MDGA2: variants seen among roughly 807,000 people sequenced by gnomAD.
MDGA2 encodes the protein MAM domain-containing glycosylphosphatidylinositol anchor protein 2.
Under a neutral mutation model 117.8 loss-of-function variants are expected in MDGA2, and 40 were observed. The ratio of observed to expected loss-of-function variants is 0.34; its 90% CI spans 0.26 to 0.44. MDGA2 has a LOEUF of 0.44. Among genes scored for constraint, MDGA2 ranks in the 20% least tolerant of loss-of-function variants. The pLI is 1.00. For synonymous variants in MDGA2, 452 were observed against 439.0 expected (o/e 1.03, Z -0.37); for missense variants, 1,123 against 1,250.6 (o/e 0.90, Z 1.54).
intron 1 of MDGA2, among the ~76,000 whole-genome samples, chr14:47,320,991 G>A (rs1012072359): frequency 6.6e-6 from 1 of 152,194 alleles, no homozygotes; most frequent in Non-Finnish European, 1.5e-5. Flanking sequence ...TTCATCGGCA[G>A]AGGAGTTTCA....
intron 1 of MDGA2, among the ~76,000 whole-genome samples, chr14:47,374,301 T>C (rs1385971925): frequency 1.3e-5 from 2 of 152,122 alleles, no homozygotes; most frequent in Non-Finnish European, 2.9e-5. Flanking sequence ...TGAGTTCTCA[T>C]GAATAATGTA....
chr14:47,462,726 A>T (rs184999490), intron 1 of MDGA2, among the ~76,000 whole-genome samples: 9 of 152,086 alleles, frequency 5.9e-5, no homozygotes, highest in Admixed American at 2.0e-4. Flanking sequence ...CATGCGAACA[A>T]TGAAGCATTT....
intron 2 of MDGA2, among the ~76,000 whole-genome samples, chr14:47,227,070 G>C (rs1048782218): frequency 6.6e-6 from 1 of 152,118 alleles, no homozygotes; most frequent in African/African-American, 2.4e-5. Context: ...CTCTGTGAGA[G>C]TTCTTATCAC....
intron 2 of MDGA2, among the ~76,000 whole-genome samples, chr14:47,267,360 T>A (rs901282735): frequency 6.6e-6 from 1 of 152,174 alleles, no homozygotes; most frequent in Non-Finnish European, 1.5e-5. Flanking sequence ...TAAATTCCAT[T>A]AAAATTCATT....
chr14:47,585,350 A>G (rs1896304521), intron 1 of MDGA2, among the ~76,000 whole-genome samples: 1 of 151,944 alleles, frequency 6.6e-6, no homozygotes, highest in Non-Finnish European at 1.5e-5. Context: ...TTACCACAGA[A>G]CTTGTACTTT....
intron 1 of MDGA2, among the ~76,000 whole-genome samples, chr14:47,467,471 C>T (rs1160567265): frequency 4.6e-5 from 7 of 152,110 alleles, no homozygotes; most frequent in African/African-American, 1.7e-4. Flanking sequence ...TCACCCTCCT[C>T]CGTTCATTAA....
At chr14:46,873,920 G>A (rs1258333003) in intron 13 of MDGA2, 125 bp downstream of exon 13, 3 of 861,864 alleles carry the variant, frequency 3.5e-6, no homozygotes, top group South Asian at 5.5e-5. Context: ...AATTGATACT[G>A]TACAGAAAAT....
chr14:46,969,237 T>C (rs1312526585), intron 8 of MDGA2, among the ~76,000 whole-genome samples: 1 of 152,198 alleles, frequency 6.6e-6, no homozygotes, highest in Non-Finnish European at 1.5e-5. Context: ...TATAGCAGCA[T>C]GATTTATATT....
intron 2 of MDGA2, among the ~76,000 whole-genome samples, chr14:47,287,163 T>C (rs771905975): frequency 5.3e-5 from 8 of 152,108 alleles, no homozygotes; most frequent in Non-Finnish European, 1.2e-4. Flanking sequence ...CCATGCTGTT[T>C]GACTCCAAAG....
intron 5 of MDGA2, among the ~76,000 whole-genome samples, chr14:47,118,116 A>G (rs1881430722): frequency 6.6e-6 from 1 of 152,176 alleles, no homozygotes; most frequent in African/African-American, 2.4e-5. Flanking sequence ...TTGACTTACC[A>G]TAAATACTTA....
chr14:47,270,614 G>T (rs1284746599), intron 2 of MDGA2, among the ~76,000 whole-genome samples: 1 of 152,164 alleles, frequency 6.6e-6, no homozygotes, highest in Non-Finnish European at 1.5e-5. Context: ...AGATGAGGAG[G>T]TGATGTGAGG....
intron 1 of MDGA2, among the ~76,000 whole-genome samples, chr14:47,314,600 TC>T: frequency 6.6e-6 from 1 of 151,606 alleles, no homozygotes; most frequent in East Asian, 2.0e-4. Flanking sequence ...GTCCCTTGAG[TC>T]CAGGAGGTCG....
intron 6 of MDGA2, among the ~76,000 whole-genome samples, chr14:47,084,498 TAAA>T (rs35071143): frequency 0.023 from 3,275 of 139,704 alleles, 46 homozygotes; most frequent in Middle Eastern, 0.057. Flanking sequence ...CAGCAAAAAT[TAAA>T]AAAAAAAAAA....
At chr14:47,081,519 G>A (rs1337199486) in intron 6 of MDGA2, among the ~76,000 whole-genome samples, 2 of 152,032 alleles carry the variant, frequency 1.3e-5, no homozygotes, top group Non-Finnish European at 2.9e-5. Flanking sequence ...ATTAGGCAGA[G>A]AATTTAGACA....
intron 2 of MDGA2, among the ~76,000 whole-genome samples, chr14:47,221,098 T>C (rs1886282575): frequency 6.6e-6 from 1 of 152,026 alleles, no homozygotes. Context: ...TAGTATACAA[T>C]TTAAATACTA....
At chr14:47,182,645 A>G (rs1223044271) in intron 3 of MDGA2, among the ~76,000 whole-genome samples, 1 of 152,228 alleles carries the variant, frequency 6.6e-6, no homozygotes, top group Non-Finnish European at 1.5e-5. Context: ...AGTATTGTAT[A>G]GCAGACTGAG....
chr14:47,479,104 C>G (rs1594878515), intron 1 of MDGA2, among the ~76,000 whole-genome samples: 1 of 152,128 alleles, frequency 6.6e-6, no homozygotes, highest in Admixed American at 6.5e-5. Flanking sequence ...ATAATAATTA[C>G]TAAATCATGA....
At chr14:46,913,554 A>G (rs752530834) in intron 10 of MDGA2, among the ~76,000 whole-genome samples, 2 of 152,238 alleles carry the variant, frequency 1.3e-5, no homozygotes, top group Non-Finnish European at 1.5e-5. Flanking sequence ...AGTCACATCT[A>G]CTGAAGACCA....
chr14:46,971,913 T>C (rs1441556351), intron 8 of MDGA2, among the ~76,000 whole-genome samples: 1 of 152,152 alleles, frequency 6.6e-6, no homozygotes, highest in Non-Finnish European at 1.5e-5. Context: ...AATCCTGTAG[T>C]ATTTTTGGAA....
Sources: gnomAD v4.1 joint callset for allele counts (sites outside exome capture counted in the v4.1 genomes callset) on GRCh38, gnomAD v4.1.1 for gene constraint, MANE v1.5 for transcripts, NCBI Gene and HGNC (gene_info 2026-07-23, HGNC 2026-07-21) for gene names.